ABCB11: variants seen among roughly 807,000 people sequenced by gnomAD.
The protein encoded by ABCB11 is ATP binding cassette subfamily B member 11.
ABCB11 carries 95 observed loss-of-function variants against 148.0 expected under a neutral mutation model. That is an observed-to-expected ratio of 0.64 (90% CI 0.54 to 0.76). ABCB11 has a LOEUF of 0.76. ABCB11 is among the 30% of genes least tolerant of loss of function. ABCB11 has a pLI of 0.00. For synonymous variants in ABCB11, 591 were observed against 555.4 expected (o/e 1.06, Z -0.90); for missense variants, 1,523 against 1,617.8 (o/e 0.94, Z 1.01).
Position 168,969,463 on chromosome 2 carries a change from G to A in ABCB11, c.1898C>T (p.Thr633Ile). 1 of 1,612,528 alleles carries A rather than the reference G, an allele frequency of 6.2e-7. No homozygotes were observed. ...TTCATGGGTCCCTCTTTCCACTGCA[G>A]TGCCATGTTCAAAACCAATGATGGT... ...ADTIIGFEHG[T>I]AVERGTHEEL... The change falls in exon 16 of 28, where the codon ACT (threonine) becomes ATT (isoleucine). Residue 633 changes from threonine (T) to isoleucine (I), a missense_variant. Thr to Ile is a moderately conservative substitution (Grantham distance 89, BLOSUM62 -1). Transcript: ENST00000650372.
chr2:169,009,473 C>T (rs1054758562), intron 5 of ABCB11, among the ~76,000 whole-genome samples: 6 of 150,344 alleles, frequency 4.0e-5, no homozygotes, highest in East Asian at 2.0e-4. Context: ...CAAACTATCG[C>T]GAGGACAAAA....
chr2:169,030,408 T>C (rs1475488771), intron 1 of ABCB11, among the ~76,000 whole-genome samples: 1 of 152,202 alleles, frequency 6.6e-6, no homozygotes, highest in East Asian at 1.9e-4. Flanking sequence ...AAAGAACTTC[T>C]ATTAAACAAC....
At chr2:168,998,580 G>A (rs1296540252) in intron 5 of ABCB11, among the ~76,000 whole-genome samples, 1 of 146,488 alleles carries the variant, frequency 6.8e-6, no homozygotes, top group Non-Finnish European at 1.5e-5. Context: ...ATACTTATGT[G>A]ACAATTAAAA....
At chr2:168,988,182 T>A (rs1394898805) in intron 9 of ABCB11, among the ~76,000 whole-genome samples, 2 of 152,166 alleles carry the variant, frequency 1.3e-5, no homozygotes, top group Non-Finnish European at 2.9e-5. Flanking sequence ...TACAATTAGA[T>A]AATTAATGTC....
At chr2:168,991,627 T>C (rs2106006350) in intron 8 of ABCB11, among the ~76,000 whole-genome samples, 1 of 152,080 alleles carries the variant, frequency 6.6e-6, no homozygotes, top group South Asian at 2.1e-4. Flanking sequence ...AATATAAAAA[T>C]ATATATAATA....
intron 10 of ABCB11, among the ~76,000 whole-genome samples, chr2:168,985,220 T>C (rs1694274145): frequency 6.6e-6 from 1 of 152,060 alleles, no homozygotes; most frequent in Non-Finnish European, 1.5e-5. Context: ...CTTGCAAGAA[T>C]GGCTATAATA....
At chr2:168,996,805 A>T (rs1432736482) in intron 5 of ABCB11, 83 bp from the exon 6 acceptor site, 3 of 418,622 alleles carry the variant, frequency 7.2e-6, no homozygotes, top group African/African-American at 2.9e-5. Flanking sequence ...AGAGGGATTT[A>T]AAAAATATAT....
chr2:168,932,764 G>A (rs913653783), intron 23 of ABCB11, among the ~76,000 whole-genome samples: 1 of 152,136 alleles, frequency 6.6e-6, no homozygotes, highest in African/African-American at 2.4e-5. Flanking sequence ...CAAGCATGAA[G>A]GGGGGAGAGC....
At chr2:169,022,945 T>C (rs1434725786) in intron 1 of ABCB11, among the ~76,000 whole-genome samples, 2 of 151,510 alleles carry the variant, frequency 1.3e-5, no homozygotes, top group African/African-American at 2.4e-5. Context: ...TGAAAACCTA[T>C]AAAATTAAAA....
intron 5 of ABCB11, among the ~76,000 whole-genome samples, chr2:169,006,852 A>C (rs1181197725): frequency 6.6e-6 from 1 of 152,234 alleles, no homozygotes; most frequent in African/African-American, 2.4e-5. Flanking sequence ...TTAACAAAAA[A>C]TTGCAAAATA....
At chr2:168,931,964 T>C (rs531772) in intron 24 of ABCB11, among the ~76,000 whole-genome samples, 95,200 of 152,026 alleles carry the variant, frequency 0.63, 30,423 homozygotes, top group East Asian at 0.93. Context: ...TGCACACACA[T>C]ACGCACAACC....
In ABCB11 at chr2:168,933,108, CA is replaced by C. The variant is rs61264551; in HGVS notation, c.3057-576del. On this transcript the variant is annotated intron_variant, in intron 23 of 27. Coordinates refer to ENST00000650372, the MANE Select transcript of ABCB11 (RefSeq NM_003742.4). ...TGGGTGACAGAGCAAGACTCCGTCT[CA>C]AAAAAAAAAAAAAAGAAAAGAAAAT... is the stretch of plus-strand genomic sequence containing the variant. Among the ~76,000 whole-genome samples, 219 of 112,198 alleles carry C rather than the reference CA, an allele frequency of 2.0e-3. 2 individuals carry two copies. Among genetic ancestry groups the C allele is most frequent in the East Asian group, 0.01 (43 of 4,180 alleles). The allele number at this position is 112,198 out of a possible 152,430, so 73.6% of individuals were successfully genotyped here. A position where few individuals can be genotyped will look rare whatever the true frequency, so the allele number is the denominator to read the frequency against.
chr2:168,950,444 C>G (rs1692511512), intron 19 of ABCB11, among the ~76,000 whole-genome samples: 1 of 151,592 alleles, frequency 6.6e-6, no homozygotes, highest in Non-Finnish European at 1.5e-5. Flanking sequence ...TTGCTAACAT[C>G]TGTTGTTTTT....
chr2:169,020,980 T>C (rs1230283362), intron 1 of ABCB11, among the ~76,000 whole-genome samples: 1 of 151,656 alleles, frequency 6.6e-6, no homozygotes, highest in African/African-American at 2.4e-5. Flanking sequence ...TTTTTTTTTC[T>C]GAGACCAAGT....
chr2:168,965,265 G>A (rs1158658184), intron 17 of ABCB11, among the ~76,000 whole-genome samples: 1 of 151,760 alleles, frequency 6.6e-6, no homozygotes, highest in African/African-American at 2.4e-5. Flanking sequence ...TACATGACAA[G>A]CATGGGAAGT....
chr2:168,963,751 T>C (rs1181880706), intron 18 of ABCB11, among the ~76,000 whole-genome samples: 1 of 151,818 alleles, frequency 6.6e-6, no homozygotes, highest in Non-Finnish European at 1.5e-5. Flanking sequence ...TAACTTGTAA[T>C]AAGGGCTAGC....
rs758703691 is a variant in ABCB11, at chr2:169,018,059, C to T, written c.67G>A (p.Asp23Asn). 1 of 1,613,200 alleles carries T rather than the reference C, an allele frequency of 6.2e-7. No individual in the cohort carries two copies. The highest frequency in any genetic ancestry group is 1.7e-5 in the Admixed American group (1 of 59,976). The change falls in exon 2 of 28, where the codon GAT (aspartate) becomes AAT (asparagine). Residue 23 changes from aspartate (D) to asparagine (N), a missense_variant. Transcript: ENST00000650372. Reference sequence around the variant, plus strand: ...GAAAAAAGCCACTCACATGATTTATCTGACTCAAAACCATCATTCTCCTCT... The same window carrying T: ...GAAAAAAGCCACTCACATGATTTATTTGACTCAAAACCATCATTCTCCTCT... ...FGEENDGFES[D>N]KSYNNDKKSR...
intron 5 of ABCB11, among the ~76,000 whole-genome samples, chr2:169,011,564 A>G (rs890208492): frequency 6.6e-6 from 1 of 152,164 alleles, no homozygotes; most frequent in African/African-American, 2.4e-5. Context: ...CACATTGTAT[A>G]TTATCCTGTG....
Position 168,986,101 on chromosome 2 carries a change from C to A in ABCB11, c.1083+9G>T. On this transcript the variant is annotated intron_variant, in intron 10 of 27. Coordinates refer to ENST00000650372, the MANE Select transcript of ABCB11 (RefSeq NM_003742.4). ...AAATGCTATGTCTCGGTCAATAAGT[C>A]CAAGGTACCTGGACAAGGGTTCCTG... 6.3e-7 allele frequency: 1 copy of A among 1,585,752 alleles called. No individual in the cohort carries two copies. The highest frequency in any genetic ancestry group is 8.6e-7 in the Non-Finnish European group (1 of 1,165,154).
Sources: gnomAD v4.1 joint callset for allele counts (sites outside exome capture counted in the v4.1 genomes callset) on GRCh38, gnomAD v4.1.1 for gene constraint, MANE v1.5 for transcripts, NCBI Gene and HGNC (gene_info 2026-07-23, HGNC 2026-07-21) for gene names.